The following UBE3B variants were observed in gnomAD, a reference collection of about 807,000 sequenced individuals.
UBE3B encodes the protein ubiquitin-protein ligase E3B.
UBE3B carries 80 observed loss-of-function variants against 132.3 expected under a neutral mutation model. The ratio of observed to expected loss-of-function variants is 0.60; its 90% CI spans 0.50 to 0.73. UBE3B has a LOEUF of 0.73. Among genes scored for constraint, UBE3B ranks in the 30% least tolerant of loss-of-function variants. The pLI is 0.00. For synonymous variants in UBE3B, 487 were observed against 520.4 expected (o/e 0.94, Z 0.87); for missense variants, 1,196 against 1,362.5 (o/e 0.88, Z 1.92).
chr12:109,540,513 C>A (rs921803440), downstream of UBE3B, among the ~76,000 whole-genome samples: 2 of 152,180 alleles, frequency 1.3e-5, no homozygotes, highest in Non-Finnish European at 1.5e-5. Context: ...CTGCACCGGG[C>A]CCCCTATGTG....
At chr12:109,543,174 A>G in the UBE3B span, among the ~76,000 whole-genome samples, 1 of 152,366 alleles carries the variant, frequency 6.6e-6, no homozygotes, top group Non-Finnish European at 1.5e-5. Flanking sequence ...GCCTCGGGAA[A>G]TACAGAAGGG....
chr12:109,478,637 C>T (rs1440434057), intron 1 of UBE3B, among the ~76,000 whole-genome samples: 1 of 152,060 alleles, frequency 6.6e-6, no homozygotes, highest in Non-Finnish European at 1.5e-5. Context: ...AAAAATTAGC[C>T]GGGCGTGGTG....
At chr12:109,504,660 C>T (rs1879426580) in intron 14 of UBE3B, among the ~76,000 whole-genome samples, 1 of 152,108 alleles carries the variant, frequency 6.6e-6, no homozygotes. Flanking sequence ...GAGTGTAAAG[C>T]CATGGGCTTT....
At chr12:109,533,975 A>G (rs944233078) in intron 27 of UBE3B, 2 of 1,300,786 alleles carry the variant, frequency 1.5e-6, no homozygotes, top group African/African-American at 1.5e-5. Flanking sequence ...TCGCTGCTTC[A>G]TTTCCTCATT....
chr12:109,501,339 T>C, intron 12 of UBE3B, 32 bp from the exon 13 acceptor site: 9 of 1,612,476 alleles, frequency 5.6e-6, no homozygotes, highest in Non-Finnish European at 7.6e-6. Flanking sequence ...CAGATGGAAC[T>C]GACAGACCAG....
intron 9 of UBE3B, among the ~76,000 whole-genome samples, chr12:109,495,085 T>C (rs988583963): frequency 1.3e-5 from 2 of 152,244 alleles, no homozygotes; most frequent in African/African-American, 2.4e-5. Context: ...ATGGTTCTCT[T>C]TTCATGTGCC....
rs755402322 is a variant in UBE3B, at chr12:109,498,306, G to A, written c.893G>A (p.Arg298His). 38 of 1,613,930 alleles carry A rather than the reference G, an allele frequency of 2.4e-5. No homozygotes were observed. The highest frequency in any genetic ancestry group is 6.6e-5 in the South Asian group (6 of 91,086). Residue 298 changes from arginine (R) to histidine (H), a missense_variant, in exon 11 of 28, where the codon CGT becomes CAT. By Grantham distance (29) the Arg-to-His change is conservative (BLOSUM62 0). Transcript: ENST00000342494. ...TTTTTAAGAGACCAAGATCGATGCC[G>A]TGATGTATGTGAAAGTTTAGAAGGA... ...IIFLRDQDRC[R>H]DVCESLEGCH...
intron 23 of UBE3B, 30 bp downstream of exon 23, chr12:109,524,533 T>A: frequency 6.2e-7 from 1 of 1,611,774 alleles, no homozygotes; most frequent in Non-Finnish European, 8.5e-7. Context: ...GAGCTCCCTT[T>A]CCACTGCCCC....
intron 9 of UBE3B, 23 bp from the exon 10 acceptor site, chr12:109,497,795 T>C: frequency 6.2e-7 from 1 of 1,613,234 alleles, no homozygotes; most frequent in South Asian, 1.1e-5. Context: ...CCTGTCTGAA[T>C]GAGTGGATCT....
chr12:109,508,083 G>A (rs1879912860), intron 15 of UBE3B, among the ~76,000 whole-genome samples: 1 of 150,952 alleles, frequency 6.6e-6, no homozygotes, highest in Non-Finnish European at 1.5e-5. Flanking sequence ...CCAGGGTGCA[G>A]ATCCTTGCTA....
At chr12:109,502,994 G>C in intron 13 of UBE3B, 29 bp from the exon 14 acceptor site, 3 of 1,613,844 alleles carry the variant, frequency 1.9e-6, no homozygotes, top group Non-Finnish European at 2.5e-6. Flanking sequence ...CTGAGCTGCT[G>C]CTCACATGTC....
Position 109,529,933 on chromosome 12 carries a change from CAAAT to C in UBE3B, c.2675_2678del (p.Ile892LysfsTer44). On this transcript the variant is annotated frameshift_variant, in exon 25 of 28. Transcript: ENST00000342494. LOFTEE classifies it high-confidence loss of function. ...GATGGCACATTTTCGAATGCACACTCAAATAAAAAACCAAACAGCTGCCCTCATT... is the reference window on the plus strand; with the variant it reads ...GATGGCACATTTTCGAATGCACACTCAAAAAACCAAACAGCTGCCCTCATT... 6.2e-7 allele frequency: 1 copy of C among 1,614,208 alleles called. No individual in the cohort carries two copies. The highest frequency in any genetic ancestry group is 1.3e-5 in the African/African-American group (1 of 75,040).
At chr12:109,518,525 C>G (rs1881332802) in intron 19 of UBE3B, among the ~76,000 whole-genome samples, 2 of 152,296 alleles carry the variant, frequency 1.3e-5, no homozygotes, top group Non-Finnish European at 2.9e-5. Flanking sequence ...TAGGGACTCC[C>G]TTTCTAGCAC....
chr12:109,510,521 A>T (rs553919191), intron 17 of UBE3B, 63 bp downstream of exon 17: 3 of 1,347,970 alleles, frequency 2.2e-6, no homozygotes, highest in Non-Finnish European at 1.0e-6. Context: ...CTGCCCGAGC[A>T]CTCAGCTCTC....
At chr12:109,518,603 C>T (rs1881341991) in intron 19 of UBE3B, among the ~76,000 whole-genome samples, 1 of 152,200 alleles carries the variant, frequency 6.6e-6, no homozygotes, top group African/African-American at 2.4e-5. Context: ...CCCATCACGC[C>T]TACCCAGACG....
At chr12:109,508,241 TC>T (rs1353557253) in intron 15 of UBE3B, among the ~76,000 whole-genome samples, 1 of 152,224 alleles carries the variant, frequency 6.6e-6, no homozygotes, top group African/African-American at 2.4e-5. Flanking sequence ...AAAGTGCTTA[TC>T]ACAGTCCCTG....
At chr12:109,501,321 C>A (rs750087592) in intron 12 of UBE3B, 50 bp from the exon 13 acceptor site, 1 of 1,608,820 alleles carries the variant, frequency 6.2e-7, no homozygotes, top group Admixed American at 1.7e-5. Context: ...CTGGCCCTGG[C>A]CCTGCATCAG....
At chr12:109,538,575 G>T (rs902610966), downstream of UBE3B, among the ~76,000 whole-genome samples, 21 of 152,178 alleles carry the variant, frequency 1.4e-4, no homozygotes, top group Admixed American at 4.6e-4. This position sits in a 1 kb window ranked among gnomAD's most constrained non-coding sequence, Gnocchi z 4.1. Context: ...CACCAAGTAC[G>T]CATCCGTTAG....
rs571605594 is a variant in UBE3B at position 109,521,363 on chromosome 12, G to C, written c.2253+39G>C. Reference sequence around the variant, plus strand: ...GCAACAGCAGGGCTGACAGCAGCCAGATTCAAGAAGTGAAGAGCTGGGCTT... The same window carrying C: ...GCAACAGCAGGGCTGACAGCAGCCACATTCAAGAAGTGAAGAGCTGGGCTT... On this transcript the variant is annotated intron_variant, in intron 20 of 27. Transcript: ENST00000342494. This position sits in a 1 kb window ranked among gnomAD's most constrained non-coding sequence, Gnocchi z 4.2. 1.9e-6 allele frequency: 3 copies of C among 1,604,902 alleles called. No homozygotes were observed. The Admixed American group carries it at 5.0e-5, about 27-fold the overall frequency.
Sources: gnomAD v4.1 joint callset for allele counts (sites outside exome capture counted in the v4.1 genomes callset) on GRCh38, gnomAD v4.1.1 for gene constraint, Gnocchi (gnomAD v3.1) non-coding constraint, MANE v1.5 for transcripts, NCBI Gene and HGNC (gene_info 2026-07-23, HGNC 2026-07-21) for gene names.